The following TRPM3 variants were observed in gnomAD, a reference collection of about 807,000 sequenced individuals.
TRPM3 encodes the protein long transient receptor potential channel 3.
A neutral mutation model predicts 181.2 loss-of-function variants in TRPM3; 77 were observed. The ratio of observed to expected loss-of-function variants is 0.42; its 90% confidence interval spans 0.35 to 0.51. The LOEUF is 0.51. Among genes scored for constraint, TRPM3 ranks in the 20% least tolerant of loss-of-function variants. The pLI is 0.01. For missense variants in TRPM3, 1,759 were observed against 2,196.7 expected (o/e 0.80, Z 3.98); for synonymous variants, 745 against 796.4 (o/e 0.94, Z 1.09).
chr9:70,554,430 C>G lies in TRPM3; in HGVS notation c.3224-1120G>C, dbSNP rs180763713. Among the ~76,000 whole-genome samples the G allele has an allele frequency of 2.2e-3, 339 of 152,208 alleles. 3 individuals carry two copies. Among genetic ancestry groups the G allele is most frequent in the African/African-American group, 7.8e-3 (324 of 41,526 alleles). On this transcript the variant is annotated intron_variant, in intron 22 of 25. Transcript: ENST00000677713. ...GGCCAGGAAGATTTGAAAAGTTGAC[C>G]CAGAATCTACTCGGCTGGAGTACTT...
chr9:71,339,730 G>T (rs557880760), intron 1 of TRPM3, among the ~76,000 whole-genome samples: 1 of 152,214 alleles, frequency 6.6e-6, no homozygotes, highest in East Asian at 1.9e-4. Flanking sequence ...GATTTCTGGA[G>T]GCTGGGAGAT....
At chr9:70,553,351 T>C (rs1198451979) in intron 22 of TRPM3, 41 bp from the exon 23 acceptor site, 17 of 1,600,774 alleles carry the variant, frequency 1.1e-5, no homozygotes, top group Non-Finnish European at 1.1e-5. Context: ...AAACTGGCTA[T>C]TTGAGTTAGA....
At chr9:71,322,834 GT>G (rs1172508408) in intron 1 of TRPM3, among the ~76,000 whole-genome samples, 1 of 152,000 alleles carries the variant, frequency 6.6e-6, no homozygotes, top group East Asian at 1.9e-4. Context: ...ATTGTGTTTA[GT>G]TTTTTTAAAG....
chr9:70,630,912 A>G (rs901102379), intron 12 of TRPM3, among the ~76,000 whole-genome samples: 1 of 151,918 alleles, frequency 6.6e-6, no homozygotes, highest in African/African-American at 2.4e-5. Context: ...AAATTCACTT[A>G]TTAGATCTGC....
chr9:70,849,387 T>G (rs2095130120), intron 3 of TRPM3, among the ~76,000 whole-genome samples: 1 of 152,112 alleles, frequency 6.6e-6, no homozygotes, highest in Non-Finnish European at 1.5e-5. Context: ...TCTTGTGATC[T>G]GCCCACCTCG....
intron 1 of TRPM3, among the ~76,000 whole-genome samples, chr9:71,410,059 A>T (rs1369053769): frequency 2.6e-5 from 4 of 152,236 alleles, no homozygotes; most frequent in Non-Finnish European, 5.9e-5. Context: ...TCTCAAACCA[A>T]TGAGAACAAA....
At chr9:71,376,343 A>AT (rs1565512382) in intron 1 of TRPM3, among the ~76,000 whole-genome samples, 1 of 152,008 alleles carries the variant, frequency 6.6e-6, no homozygotes, top group African/African-American at 2.4e-5. Context: ...TGAAGAAACA[A>AT]TTTTCCCTTG....
At chr9:71,092,768 T>G (rs1254800470) in intron 1 of TRPM3, among the ~76,000 whole-genome samples, 3 of 152,184 alleles carry the variant, frequency 2.0e-5, no homozygotes, top group African/African-American at 7.2e-5. Flanking sequence ...TGTGATAAAT[T>G]TATGAATGTC....
chr9:70,655,325 AAAAAAG>A (rs1564725863), intron 9 of TRPM3, among the ~76,000 whole-genome samples: 1 of 149,668 alleles, frequency 6.7e-6, no homozygotes, highest in African/African-American at 2.5e-5. Context: ...AAAAAAAAAA[AAAAAAG>A]AAAAAGAAAA....
chr9:70,671,844 A>G (rs1486993588), intron 9 of TRPM3, among the ~76,000 whole-genome samples: 1 of 151,856 alleles, frequency 6.6e-6, no homozygotes, highest in Admixed American at 6.6e-5. Flanking sequence ...AGCTCATTGC[A>G]TCCTCCGTTA....
At chr9:71,031,548 T>C (rs1477155526) in intron 1 of TRPM3, among the ~76,000 whole-genome samples, 6 of 152,110 alleles carry the variant, frequency 3.9e-5, no homozygotes, top group African/African-American at 1.4e-4. Context: ...AAAGTAGATA[T>C]TTAAGAAAGC....
intron 9 of TRPM3, among the ~76,000 whole-genome samples, chr9:70,659,864 G>A (rs2060871160): frequency 6.6e-6 from 1 of 152,138 alleles, no homozygotes. Flanking sequence ...GAAAATAATG[G>A]TAACCTATTT....
intron 1 of TRPM3, among the ~76,000 whole-genome samples, chr9:71,266,203 G>A (rs951184838): frequency 1.1e-4 from 17 of 152,098 alleles, no homozygotes; most frequent in African/African-American, 4.1e-4. Context: ...AGCTTTTCTG[G>A]GTTCTTGCCT....
intron 11 of TRPM3, 157 bp downstream of exon 11, chr9:70,638,903 G>T: frequency 1.2e-6 from 1 of 820,314 alleles, no homozygotes; most frequent in Non-Finnish European, 1.8e-6. Flanking sequence ...TGGTGACTTG[G>T]TGTTTGTCAT....
intron 1 of TRPM3, among the ~76,000 whole-genome samples, chr9:71,443,984 T>C (rs745881114): frequency 6.6e-6 from 1 of 151,856 alleles, no homozygotes; most frequent in Non-Finnish European, 1.5e-5. Flanking sequence ...ATCGAGACCA[T>C]CCTGGCCAAC....
chr9:70,603,596 A>G, intron 19 of TRPM3, 126 bp from the exon 20 acceptor site: 1 of 966,314 alleles, frequency 1.0e-6, no homozygotes, highest in Non-Finnish European at 1.5e-6. Flanking sequence ...GACAAAAGGA[A>G]CTTGAAGGTG....
At chr9:70,590,614 G>A (rs994897550) in intron 22 of TRPM3, among the ~76,000 whole-genome samples, 8 of 152,200 alleles carry the variant, frequency 5.3e-5, no homozygotes, top group Admixed American at 2.0e-4. Flanking sequence ...ATCGAGCATT[G>A]TTTATTTGTT....
chr9:70,766,916 C>G (rs1016681153), intron 7 of TRPM3, among the ~76,000 whole-genome samples: 2 of 152,202 alleles, frequency 1.3e-5, no homozygotes, highest in African/African-American at 4.8e-5. Context: ...AAAATGGGAA[C>G]TATAATAGTA....
At chr9:70,590,515 A>T (rs2057933686) in intron 22 of TRPM3, among the ~76,000 whole-genome samples, 1 of 152,244 alleles carries the variant, frequency 6.6e-6, no homozygotes, top group African/African-American at 2.4e-5. Context: ...ATAATTTAAG[A>T]CAGTGGGAAA....
Sources: allele counts gnomAD v4.1 joint callset (sites outside exome capture counted in the v4.1 genomes callset), GRCh38; gene constraint gnomAD v4.1.1; transcripts MANE v1.5; gene names NCBI Gene and HGNC (gene_info 2026-07-23, HGNC 2026-07-21).